Variants in MRPS31 observed in about 807,000 individuals in gnomAD.
MRPS31 encodes the protein mitochondrial ribosomal protein S31, also known as small ribosomal subunit protein mS31.
Under a neutral mutation model 43.1 loss-of-function variants are expected in MRPS31, and 32 were observed. That is an observed-to-expected ratio of 0.74 (90% CI 0.56 to 1.00). The LOEUF is 1.00. Ranked by LOEUF, MRPS31 falls within the 50% of genes least tolerant of loss-of-function variation. The pLI is 0.00. For synonymous variants in MRPS31, 165 were observed against 161.6 expected (o/e 1.02, Z -0.16); for missense variants, 437 against 466.7 (o/e 0.94, Z 0.59).
At chr13:40,758,582 C>T (rs1880600233) in intron 3 of MRPS31, among the ~76,000 whole-genome samples, 1 of 152,084 alleles carries the variant, frequency 6.6e-6, no homozygotes, top group African/African-American at 2.4e-5. Flanking sequence ...AGGCAACAGA[C>T]CTGAAGATTA....
chr13:40,768,931 G>T (rs1319876622), intron 1 of MRPS31, among the ~76,000 whole-genome samples: 1 of 152,140 alleles, frequency 6.6e-6, no homozygotes, highest in Admixed American at 6.5e-5. Flanking sequence ...AGAAGTTAAA[G>T]TAGTGGTTAT....
intron 4 of MRPS31, among the ~76,000 whole-genome samples, chr13:40,756,552 T>C (rs1357840678): frequency 1.3e-5 from 2 of 152,170 alleles, no homozygotes; most frequent in East Asian, 1.9e-4. Flanking sequence ...TGAAAAATAA[T>C]GTTTCTCACA....
intron 5 of MRPS31, among the ~76,000 whole-genome samples, chr13:40,752,630 A>G (rs1226902828): frequency 2.0e-5 from 3 of 152,202 alleles, no homozygotes; most frequent in Admixed American, 6.5e-5. Flanking sequence ...TATAGCCCCT[A>G]ATAGTCTATT....
At chr13:40,747,491 C>T (rs138394428) in intron 6 of MRPS31, among the ~76,000 whole-genome samples, 1 of 152,122 alleles carries the variant, frequency 6.6e-6, no homozygotes, top group Non-Finnish European at 1.5e-5. Flanking sequence ...TTACGTTACC[C>T]TGATACCTTC....
chr13:40,739,913 G>A (rs1028576809), intron 6 of MRPS31, among the ~76,000 whole-genome samples: 2 of 151,814 alleles, frequency 1.3e-5, no homozygotes, highest in East Asian at 1.9e-4. Flanking sequence ...CAAAAGCAAT[G>A]GCAACAAAAG....
intron 5 of MRPS31, 42 bp downstream of exon 5, chr13:40,753,977 G>T (rs1222846667): frequency 8.2e-7 from 1 of 1,225,070 alleles, no homozygotes; most frequent in Non-Finnish European, 1.2e-6. Flanking sequence ...TGGAACGATG[G>T]AATGTTTCTC....
chr13:40,768,656 G>A (rs1880916436), intron 1 of MRPS31, among the ~76,000 whole-genome samples: 2 of 152,094 alleles, frequency 1.3e-5, no homozygotes, highest in Non-Finnish European at 2.9e-5. Flanking sequence ...AAAGTGCTGG[G>A]ATTACAGGTG....
chr13:40,771,159 A>C lies in MRPS31; in HGVS notation c.-23T>G. 6.3e-7 allele frequency: 1 copy of C among 1,583,812 alleles called. No individual in the cohort carries two copies. The highest frequency in any genetic ancestry group is 1.1e-5 in the South Asian group (1 of 87,480). On this transcript the variant is annotated 5_prime_UTR_variant, in exon 1 of 7. Coordinates refer to ENST00000323563, the MANE Select transcript of MRPS31 (RefSeq NM_005830.4). ...CATCGCCGAGACACGAAATGAACCA[A>C]GAACACAACTGAAATGGTGCGTCCC...
chr13:40,744,377 A>T (rs571867932), intron 6 of MRPS31, among the ~76,000 whole-genome samples: 2 of 152,336 alleles, frequency 1.3e-5, no homozygotes, highest in South Asian at 4.1e-4. Context: ...AAAAATAGGA[A>T]GAAAACACAA....
chr13:40,753,969 G>A, intron 5 of MRPS31, 50 bp downstream of exon 5: 2 of 1,160,166 alleles, frequency 1.7e-6, no homozygotes, highest in Non-Finnish European at 1.3e-6. Context: ...GGACATCCTG[G>A]AACGATGGAA....
intron 5 of MRPS31, among the ~76,000 whole-genome samples, chr13:40,752,117 G>C (rs1248331717): frequency 6.6e-6 from 1 of 151,880 alleles, no homozygotes; most frequent in Non-Finnish European, 1.5e-5. Context: ...TCCGCCTCCT[G>C]GGTGCAAGTG....
intron 1 of MRPS31, among the ~76,000 whole-genome samples, chr13:40,770,135 C>T (rs1880966795): frequency 6.6e-6 from 1 of 152,218 alleles, no homozygotes; most frequent in African/African-American, 2.4e-5. Context: ...TTTGCTATCT[C>T]TGACTACCCT....
At chr13:40,770,901 T>G in intron 1 of MRPS31, 84 bp downstream of exon 1, 1 of 1,543,208 alleles carries the variant, frequency 6.5e-7, no homozygotes. Context: ...AAGCAATAGC[T>G]TCTAAGACCC....
At chr13:40,756,365 A>T (rs1461274183) in intron 4 of MRPS31, among the ~76,000 whole-genome samples, 1 of 152,242 alleles carries the variant, frequency 6.6e-6, no homozygotes, top group Non-Finnish European at 1.5e-5. Flanking sequence ...TCAAATCAGT[A>T]AATTCAAATG....
intron 3 of MRPS31, among the ~76,000 whole-genome samples, chr13:40,757,723 C>T (rs1443585696): frequency 5.5e-5 from 8 of 145,918 alleles, no homozygotes; most frequent in African/African-American, 1.0e-4. Context: ...GGATTACAGG[C>T]GTGAGCCAGT....
intron 5 of MRPS31, chr13:40,749,624 T>C (rs531698829): frequency 4.4e-5 from 7 of 159,452 alleles, no homozygotes; most frequent in Non-Finnish European, 8.2e-5. Flanking sequence ...AGCCTGTTTA[T>C]CTTTATTTTT....
chr13:40,760,021 T>C (rs1471308506), intron 2 of MRPS31, among the ~76,000 whole-genome samples: 2 of 151,524 alleles, frequency 1.3e-5, no homozygotes, highest in Non-Finnish European at 1.5e-5. Context: ...TGTAAAATCC[T>C]AGCTACTCTG....
chr13:40,755,774 A>AT (rs1880510482), intron 4 of MRPS31, among the ~76,000 whole-genome samples: 1 of 152,168 alleles, frequency 6.6e-6, no homozygotes, highest in Non-Finnish European at 1.5e-5. Flanking sequence ...CTTGCTTCTA[A>AT]TTTTTTAAAT....
chr13:40,731,455 GC>G (rs1291189650), intron 6 of MRPS31, among the ~76,000 whole-genome samples: 2 of 151,478 alleles, frequency 1.3e-5, no homozygotes, highest in Non-Finnish European at 2.9e-5. Context: ...GGTGGCATGT[GC>G]CTGTAGTCCC....
Sources: allele counts gnomAD v4.1 joint callset (sites outside exome capture counted in the v4.1 genomes callset), GRCh38; gene constraint gnomAD v4.1.1; transcripts MANE v1.5; gene names NCBI Gene and HGNC (gene_info 2026-07-23, HGNC 2026-07-21).